CDHR3: variants seen among roughly 807,000 people sequenced by gnomAD.
The protein encoded by CDHR3 is cadherin related family member 3, also known as cadherin-related family member 3.
In CDHR3, 79 loss-of-function variants were observed where a neutral mutation model predicts 86.6. The ratio of observed to expected loss-of-function variants is 0.91; its 90% confidence interval spans 0.76 to 1.10. CDHR3 has a LOEUF of 1.10. Among genes scored for constraint, CDHR3 ranks in the 50% least tolerant of loss-of-function variants. The probability of loss-of-function intolerance (pLI) is 0.00; values close to 1 mark genes in which losing one functional copy is unlikely to be tolerated. For missense variants in CDHR3, 1,081 were observed against 1,077.6 expected (o/e 1.00, Z -0.04); for synonymous variants, 421 against 402.4 (o/e 1.05, Z -0.55).
At chr7:106,003,989 C>CAAAAAAAAAAAAAAAAA (rs55815648) in intron 7 of CDHR3, among the ~76,000 whole-genome samples, 15 of 79,928 alleles carry the variant, frequency 1.9e-4, no homozygotes, top group East Asian at 4.3e-4. Flanking sequence ...CCAACCTAAC[C>CAAAAAAAAAAAAAAAAA]AAAAAAAAAA....
At chr7:105,996,595 G>A (rs566389124) in intron 6 of CDHR3, among the ~76,000 whole-genome samples, 24 of 152,290 alleles carry the variant, frequency 1.6e-4, no homozygotes, top group African/African-American at 5.8e-4. Flanking sequence ...TTTGGATATG[G>A]TGGGGAGAAG....
intron 18 of CDHR3, 151 bp from the exon 19 acceptor site, chr7:106,032,242 T>C: frequency 1.3e-6 from 1 of 767,862 alleles, no homozygotes; most frequent in Non-Finnish European, 2.1e-6. Context: ...TGTGGGGCTA[T>C]TCACACACCT....
At chr7:105,968,090 T>C (rs182924932) in intron 1 of CDHR3, among the ~76,000 whole-genome samples, 2 of 152,322 alleles carry the variant, frequency 1.3e-5, no homozygotes, top group African/African-American at 4.8e-5. Context: ...CACAATTACT[T>C]TTACACCGAC....
chr7:105,987,894 G>C (rs148631007), intron 4 of CDHR3, among the ~76,000 whole-genome samples: 2 of 152,210 alleles, frequency 1.3e-5, no homozygotes, highest in East Asian at 3.9e-4. Flanking sequence ...GGGAACACTG[G>C]TTTGTTTATT....
At chr7:106,029,756 G>T (rs1838053145) in intron 17 of CDHR3, among the ~76,000 whole-genome samples, 1 of 152,170 alleles carries the variant, frequency 6.6e-6, no homozygotes, top group Non-Finnish European at 1.5e-5. Flanking sequence ...TGGAATTTTG[G>T]CTTCAGGCAC....
chr7:105,983,479 G>C (rs1830071154), intron 3 of CDHR3, among the ~76,000 whole-genome samples: 1 of 152,172 alleles, frequency 6.6e-6, no homozygotes. Flanking sequence ...GATGAAAATA[G>C]AAAATGTATG....
At chr7:106,003,219 G>C (rs1228013724) in intron 7 of CDHR3, among the ~76,000 whole-genome samples, 1 of 146,792 alleles carries the variant, frequency 6.8e-6, no homozygotes, top group Non-Finnish European at 1.5e-5. Context: ...TGTATGTTTT[G>C]TACTTACAGT....
chr7:105,995,573 C>T (rs532540366), intron 5 of CDHR3, among the ~76,000 whole-genome samples: 20 of 152,042 alleles, frequency 1.3e-4, no homozygotes, highest in South Asian at 2.1e-4. Context: ...AAGTCCTGCT[C>T]GTTTTATGGC....
At chr7:106,021,393 A>T (rs1380899829) in intron 13 of CDHR3, among the ~76,000 whole-genome samples, 1 of 152,228 alleles carries the variant, frequency 6.6e-6, no homozygotes, top group African/African-American at 2.4e-5. Flanking sequence ...TCGAGACTGC[A>T]GTTGCCGAAG....
intron 9 of CDHR3, among the ~76,000 whole-genome samples, chr7:106,014,684 A>C (rs936483245): frequency 1.3e-5 from 2 of 152,210 alleles, no homozygotes; most frequent in South Asian, 4.1e-4. Context: ...CTCTCTCAAA[A>C]TATATTATAG....
At chr7:106,001,088 A>T (rs1833096638) in intron 6 of CDHR3, among the ~76,000 whole-genome samples, 1 of 152,226 alleles carries the variant, frequency 6.6e-6, no homozygotes, top group Non-Finnish European at 1.5e-5. Flanking sequence ...AAAAGAATCC[A>T]GGGACATCTG....
rs139384104 is a variant in CDHR3, at chr7:105,975,218, C to T, written c.249+172C>T. On this transcript the variant is annotated intron_variant, in intron 2 of 18. Transcript: ENST00000317716. Reference sequence around the variant, plus strand: ...CCAGGGCCTTCTGTGCTAAGATGCTCGTGTAGCCTTTGGACCTTCCCCACT... The same window carrying T: ...CCAGGGCCTTCTGTGCTAAGATGCTTGTGTAGCCTTTGGACCTTCCCCACT... Among the ~76,000 whole-genome samples the T allele has an allele frequency of 1.7e-3, 253 of 152,262 alleles. 3 individuals carry two copies. The highest frequency in any genetic ancestry group is 5.6e-3 in the African/African-American group (233 of 41,556).
chr7:105,981,806 T>C (rs2115681005), intron 3 of CDHR3, among the ~76,000 whole-genome samples: 1 of 151,854 alleles, frequency 6.6e-6, no homozygotes, highest in South Asian at 2.1e-4. Flanking sequence ...CTGCTTCTCC[T>C]ATATCTTTCC....
chr7:105,983,499 C>T (rs1057074736), intron 3 of CDHR3, among the ~76,000 whole-genome samples: 2 of 152,176 alleles, frequency 1.3e-5, no homozygotes, highest in Non-Finnish European at 2.9e-5. Context: ...GTTAAGTCCT[C>T]AGCACGGTGC....
At position 106,018,090 on chromosome 7, in the gene CDHR3, G is replaced by T; in HGVS notation, c.1653+18G>T. 6.2e-7 allele frequency: 1 copy of T among 1,604,476 alleles called. No individual in the cohort carries two copies. Among genetic ancestry groups the T allele is most frequent in the Non-Finnish European group, 8.5e-7 (1 of 1,172,826 alleles). The stretch of plus-strand genomic sequence containing the variant: ...CTGTCACTGTGAGTGGTGCTGCTTG[G>T]TATAGTGCCGGTAACCCAACTGGTT... On this transcript the variant is annotated intron_variant, in intron 12 of 18. Transcript: ENST00000317716.
chr7:105,990,158 A>G (rs1831141310), intron 4 of CDHR3, among the ~76,000 whole-genome samples: 1 of 152,208 alleles, frequency 6.6e-6, no homozygotes. Context: ...ACCCAGGCCA[A>G]TTATGGAAAA....
Position 106,033,799 on chromosome 7 carries a change from G to C in CDHR3, c.*1102G>C, listed in dbSNP as rs1235451184. On this transcript the variant is annotated 3_prime_UTR_variant, in exon 19 of 19. Transcript: ENST00000317716. The stretch of plus-strand genomic sequence containing the variant: ...TGAACTTTCTTGTACATGTCTTTTG[G>C]TGAACATAAACACTCACTTTTTTGC... 6.6e-6 allele frequency: 1 copy of C among 152,156 alleles called. No homozygotes were observed. The highest frequency in any genetic ancestry group is 1.9e-4 in the East Asian group (1 of 5,192). 9.4% of individuals were successfully genotyped at this position (152,156 alleles called of 1,614,324 possible). A position where few individuals can be genotyped will look rare whatever the true frequency, so the allele number is the denominator to read the frequency against.
chr7:106,004,406 A>G, intron 7 of CDHR3, 92 bp from the exon 8 acceptor site: 1 of 962,130 alleles, frequency 1.0e-6, no homozygotes, highest in Non-Finnish European at 1.6e-6. Flanking sequence ...GCTCTTCCTC[A>G]TGTTCGAATG....
chr7:105,970,156 G>C (rs1160713345), intron 1 of CDHR3, among the ~76,000 whole-genome samples: 2 of 151,986 alleles, frequency 1.3e-5, no homozygotes, highest in Admixed American at 6.6e-5. Context: ...CTCTAAGTTA[G>C]AGCAGCTACA....
Sources: allele counts gnomAD v4.1 joint callset (sites outside exome capture counted in the v4.1 genomes callset), GRCh38; gene constraint gnomAD v4.1.1; transcripts MANE v1.5; gene names NCBI Gene and HGNC (gene_info 2026-07-23, HGNC 2026-07-21).